The following SLC38A12 variants were observed in gnomAD, a reference collection of about 807,000 sequenced individuals.
The protein encoded by SLC38A12 is putative sodium-coupled neutral amino acid transporter 12.
chr17:74,812,516 G>A, the SLC38A12 span, among the ~76,000 whole-genome samples: 63 of 152,252 alleles, frequency 4.1e-4, no homozygotes, highest in Non-Finnish European at 7.2e-4. Context: ...GGCTCATGCT[G>A]AGTTGCCATT....
At chr17:74,837,260 C>T in the SLC38A12 span, 1 of 985,658 alleles carries the variant, frequency 1.0e-6, no homozygotes, top group Non-Finnish European at 1.2e-6. Flanking sequence ...GCCTGGCTGG[C>T]CCCATGACAA....
At chr17:74,811,877 AT>A in the SLC38A12 span, among the ~76,000 whole-genome samples, 234 of 151,624 alleles carry the variant, frequency 1.5e-3, 1 homozygote, top group African/African-American at 5.2e-3. Context: ...TGCAAAAAAA[AT>A]AATAATAATA....
the SLC38A12 span, chr17:74,836,789 G>T: frequency 6.8e-7 from 1 of 1,475,124 alleles, no homozygotes; most frequent in Admixed American, 2.5e-5. This position sits in a 1 kb window ranked among gnomAD's most constrained non-coding sequence, Gnocchi z 4.2. Context: ...TCATGGGGCA[G>T]GTGGGACTGT....
At chr17:74,825,364 T>C in the SLC38A12 span, among the ~76,000 whole-genome samples, 5 of 152,366 alleles carry the variant, frequency 3.3e-5, no homozygotes, top group African/African-American at 1.2e-4. Flanking sequence ...TTGGTCTTAA[T>C]TTTATTCTTG....
the SLC38A12 span, among the ~76,000 whole-genome samples, chr17:74,818,703 T>TG: frequency 3.5e-4 from 53 of 152,360 alleles, no homozygotes; most frequent in Admixed American, 1.0e-3. Context: ...GCCGCATCTC[T>TG]GGTGAGCGTC....
chr17:74,837,845 G>A, the SLC38A12 span: 15 of 985,984 alleles, frequency 1.5e-5, no homozygotes, highest in Non-Finnish European at 1.8e-5. Flanking sequence ...TTCAGGACCT[G>A]GGGGTCCCCC....
the SLC38A12 span, chr17:74,795,021 A>G: frequency 8.7e-6 from 14 of 1,613,584 alleles, no homozygotes; most frequent in Admixed American, 8.3e-5. Context: ...GTGGGGGTCA[A>G]CTTGTTCTAT....
the SLC38A12 span, chr17:74,777,684 C>G: frequency 8.4e-7 from 1 of 1,194,484 alleles, no homozygotes; most frequent in Non-Finnish European, 1.1e-6. Flanking sequence ...CTTTGGGAGG[C>G]TGAAGCGGGC....
chr17:74,783,823 C>G, the SLC38A12 span, among the ~76,000 whole-genome samples: 3 of 148,446 alleles, frequency 2.0e-5, no homozygotes, highest in East Asian at 2.0e-4. Context: ...CTCCACCTCC[C>G]GGGTTCAAGC....
the SLC38A12 span, chr17:74,791,175 C>G: frequency 1.5e-6 from 1 of 679,140 alleles, no homozygotes; most frequent in Non-Finnish European, 2.5e-6. Context: ...TCCCTCAGCA[C>G]CTGAGAAGCC....
the SLC38A12 span, among the ~76,000 whole-genome samples, chr17:74,821,363 G>A: frequency 6.6e-6 from 1 of 152,236 alleles, no homozygotes; most frequent in African/African-American, 2.4e-5. Flanking sequence ...GCCCCATTCA[G>A]TCTGTGTGGT....
the SLC38A12 span, among the ~76,000 whole-genome samples, chr17:74,798,039 C>T: frequency 3.3e-5 from 5 of 152,170 alleles, no homozygotes; most frequent in Non-Finnish European, 7.3e-5. Flanking sequence ...TTGCTGCCAG[C>T]CAGATTTCAC....
the SLC38A12 span, chr17:74,795,672 C>A: frequency 2.0e-6 from 3 of 1,519,138 alleles, no homozygotes; most frequent in African/African-American, 4.1e-5. Context: ...CCCAGCCCAG[C>A]CTGCACAGCT....
the SLC38A12 span, among the ~76,000 whole-genome samples, chr17:74,815,712 C>A: frequency 2.4e-4 from 37 of 152,286 alleles, no homozygotes; most frequent in South Asian, 6.2e-4. Flanking sequence ...ACGGCACAGC[C>A]TCAGCAGGCG....
At chr17:74,782,902 G>A in the SLC38A12 span, among the ~76,000 whole-genome samples, 8 of 152,196 alleles carry the variant, frequency 5.3e-5, no homozygotes, top group Non-Finnish European at 1.0e-4. Context: ...GGTCGAGGAG[G>A]GTGGATCATC....
chr17:74,827,487 G>A, the SLC38A12 span, among the ~76,000 whole-genome samples: 1 of 152,100 alleles, frequency 6.6e-6, no homozygotes, highest in Non-Finnish European at 1.5e-5. This position sits in a 1 kb window ranked among gnomAD's most constrained non-coding sequence, Gnocchi z 4.7. Context: ...GTAGAGATGG[G>A]TTTTCTCCAT....
the SLC38A12 span, among the ~76,000 whole-genome samples, chr17:74,796,097 C>T: frequency 6.6e-6 from 1 of 152,202 alleles, no homozygotes; most frequent in Non-Finnish European, 1.5e-5. Context: ...TTCCTATCTT[C>T]CCTCCTCTCA....
At chr17:74,821,653 C>T in the SLC38A12 span, among the ~76,000 whole-genome samples, 2 of 152,208 alleles carry the variant, frequency 1.3e-5, no homozygotes, top group South Asian at 4.1e-4. Flanking sequence ...TGGGTAAGGC[C>T]GAGTGGGTAA....
the SLC38A12 span, among the ~76,000 whole-genome samples, chr17:74,797,077 G>A: frequency 2.6e-5 from 4 of 152,190 alleles, no homozygotes; most frequent in African/African-American, 7.2e-5. Flanking sequence ...TGCTGGGGAG[G>A]CTGCTGGAAT....
Sources: gnomAD v4.1 joint callset for allele counts (sites outside exome capture counted in the v4.1 genomes callset) on GRCh38, gnomAD v4.1.1 for gene constraint, Gnocchi (gnomAD v3.1) non-coding constraint, MANE v1.5 for transcripts, NCBI Gene and HGNC (gene_info 2026-07-23, HGNC 2026-07-21) for gene names.